Variants in CTSB observed in about 807,000 individuals in gnomAD.
CTSB encodes the protein APP secretase.
CTSB carries 57 observed loss-of-function variants against 44.3 expected under a neutral mutation model. The observed-to-expected ratio is 1.29, with a 90% CI of 1.04 to 1.60. The LOEUF is 1.60. Among genes scored for constraint, CTSB ranks in the 40% most tolerant of loss-of-function variants. The pLI is 0.00. For synonymous variants in CTSB, 320 were observed against 168.0 expected (o/e 1.91, Z -7.00); for missense variants, 768 against 443.0 (o/e 1.73, Z -6.59).
intron 3 of CTSB, among the ~76,000 whole-genome samples, chr8:11,852,276 C>T (rs1814730954): frequency 6.6e-6 from 1 of 152,112 alleles, no homozygotes; most frequent in Non-Finnish European, 1.5e-5. Context: ...GAGGCTGTGG[C>T]ATGAGAATCG....
At chr8:11,852,388 C>T (rs1440526019) in intron 3 of CTSB, among the ~76,000 whole-genome samples, 1 of 152,104 alleles carries the variant, frequency 6.6e-6, no homozygotes, top group African/African-American at 2.4e-5. Flanking sequence ...AAAAAAGCAC[C>T]AGCATCTTCT....
intron 1 of CTSB, chr8:11,864,446 G>T (rs538324381): frequency 4.0e-5 from 6 of 151,714 alleles, no homozygotes; most frequent in African/African-American, 1.4e-4. Context: ...AGCCGTGGTC[G>T]CACCACTGCA....
chr8:11,864,418 G>C (rs1816834194), intron 1 of CTSB: 1 of 152,000 alleles, frequency 6.6e-6, no homozygotes. Flanking sequence ...TTACATCTGG[G>C]TGGCTGAGGC....
chr8:11,866,850 C>T (rs1489511020), intron 1 of CTSB, among the ~76,000 whole-genome samples: 1 of 152,192 alleles, frequency 6.6e-6, no homozygotes, highest in African/African-American at 2.4e-5. Flanking sequence ...ACAGAGCCAG[C>T]CAACGCCCTC....
Position 11,847,044 on chromosome 8 carries a change from G to T in CTSB, c.793+8C>A. Reference sequence around the variant, plus strand: ...CACCCTCTATTGCCATCAGCCATCAGCACGCACCTGACTTGTAGAGCAGGA... The same window carrying T: ...CACCCTCTATTGCCATCAGCCATCATCACGCACCTGACTTGTAGAGCAGGA... On this transcript the variant is annotated splice_region_variant and intron_variant, in intron 8 of 9. Transcript: ENST00000353047. 3 of 1,317,714 alleles carry T rather than the reference G, an allele frequency of 2.3e-6. No homozygotes were observed. The highest frequency in any genetic ancestry group is 3.2e-6 in the Non-Finnish European group (3 of 924,822). 81.6% of individuals were successfully genotyped at this position (1,317,714 alleles called of 1,614,324 possible). A position where few individuals can be genotyped will look rare whatever the true frequency, so the allele number is the denominator to read the frequency against.
At chr8:11,859,424 C>T (rs1458361621) in intron 1 of CTSB, among the ~76,000 whole-genome samples, 1 of 152,100 alleles carries the variant, frequency 6.6e-6, no homozygotes, top group Non-Finnish European at 1.5e-5. Flanking sequence ...TAAGTCCTGA[C>T]ACCCTTAAAG....
In CTSB at chr8:11,849,073, G is replaced by T. The variant is rs1280226966; in HGVS notation, c.419C>A (p.Thr140Lys). ...SVEVSAEDLL[T>K]CCGSMCGDGC... Reference sequence around the variant, plus strand: ...GTCCCCACACATGCTGCCACAGCATGTGAGCAGGTCCTCCGCCGACACCTC... The same window carrying T: ...GTCCCCACACATGCTGCCACAGCATTTGAGCAGGTCCTCCGCCGACACCTC... Residue 140 changes from threonine to lysine, a missense_variant, in exon 5 of 10, where the codon ACA becomes AAA. By Grantham distance (78) the Thr-to-Lys change is moderately conservative. Coordinates refer to ENST00000353047, the MANE Select transcript of CTSB (RefSeq NM_001908.5). The T allele has an allele frequency of 3.1e-6, 5 of 1,613,224 alleles. No individual in the cohort carries two copies. Among genetic ancestry groups the T allele is most frequent in the Non-Finnish European group, 4.2e-6 (5 of 1,179,658 alleles).
chr8:11,859,834 G>A (rs1475293216), intron 1 of CTSB, among the ~76,000 whole-genome samples: 2 of 148,008 alleles, frequency 1.4e-5, no homozygotes, highest in African/African-American at 5.0e-5. Context: ...CAGCACTTTG[G>A]GAGGCTGAGG....
chr8:11,851,373 A>G (rs914758668), intron 3 of CTSB, among the ~76,000 whole-genome samples: 2 of 151,800 alleles, frequency 1.3e-5, no homozygotes, highest in Admixed American at 6.6e-5. Flanking sequence ...TATTTTTAGT[A>G]AAGACAGGGT....
At chr8:11,852,378 A>G (rs368514460) in intron 3 of CTSB, among the ~76,000 whole-genome samples, 4 of 152,300 alleles carry the variant, frequency 2.6e-5, no homozygotes, top group African/African-American at 9.6e-5. Context: ...CAAAAACCAA[A>G]AAAAAGCACC....
At chr8:11,845,819 G>T in intron 8 of CTSB, 30 bp from the exon 9 acceptor site, 2 of 1,591,716 alleles carry the variant, frequency 1.3e-6, no homozygotes, top group South Asian at 2.2e-5. Context: ...CTGAGACCGA[G>T]ACCGGGCCAC....
At chr8:11,848,793 C>CA (rs980361873) in intron 5 of CTSB, 1 of 404,574 alleles carries the variant, frequency 2.5e-6, no homozygotes, top group African/African-American at 2.0e-5. Context: ...CCAGACATTC[C>CA]ACCACATTTT....
Position 11,845,775 on chromosome 8 carries a change from C to T in CTSB, c.808G>A (p.Val270Ile), listed in dbSNP as rs780082802. The T allele has an allele frequency of 1.7e-5, 28 of 1,613,608 alleles. No individual in the cohort carries two copies. The highest frequency in any genetic ancestry group is 8.0e-5 in the African/African-American group (6 of 75,028). The change falls in exon 9 of 10, where the codon GTC becomes ATC. Residue 270 changes from valine to isoleucine, a missense_variant. Val to Ile is a conservative substitution (Grantham distance 29). Transcript: ENST00000353047. ...LLYKSGVYQH[V>I]TGEMMGGHAI... The stretch of plus-strand genomic sequence containing the variant: ...TGGCCACCCATCATCTCTCCGGTGA[C>T]GTGTTGGTACACTCCTGAAAAGGGA...
chr8:11,845,615 T>C (rs1367289840), intron 9 of CTSB, 46 bp downstream of exon 9: 2 of 1,595,852 alleles, frequency 1.3e-6, no homozygotes, highest in Non-Finnish European at 1.7e-6. Flanking sequence ...CCACGGGGTG[T>C]GGCTCACAAT....
chr8:11,852,544 C>T (rs976252615), intron 3 of CTSB, 66 bp downstream of exon 3: 6 of 1,379,596 alleles, frequency 4.3e-6, no homozygotes, highest in Non-Finnish European at 5.0e-6. Flanking sequence ...CACTCTCCCA[C>T]TTCCCACTGC....
At position 11,844,805 on chromosome 8, in the gene CTSB, G is replaced by A. The variant is rs988801419; in HGVS notation, c.*320C>T. 27 of 275,062 alleles carry A rather than the reference G, an allele frequency of 9.8e-5. No homozygotes were observed. Among genetic ancestry groups the A allele is most frequent in the African/African-American group, 4.3e-4 (20 of 46,702 alleles). The allele number at this position is 275,062 out of a possible 1,614,324, so 17.0% of individuals were successfully genotyped here. On this transcript the variant is annotated 3_prime_UTR_variant, in exon 10 of 10. Coordinates refer to ENST00000353047, the MANE Select transcript of CTSB (RefSeq NM_001908.5). ...TAGGAACTCCGCTTTCCATTCCTGC[G>A]TCTCTGTCTTGCTCCCTGGAGATGG...
chr8:11,847,133 C>G lies in CTSB; in HGVS notation c.712G>C (p.Asp238His), dbSNP rs752205663. 8.7e-6 allele frequency: 14 copies of G among 1,605,948 alleles called. No individual in the cohort carries two copies. In the East Asian group the frequency reaches 3.1e-4, roughly 36 times the overall value. ...NSYSVSNSEK[D>H]IMAEIYKNGP... Reference sequence around the variant, plus strand: ...TTTTTGTAGATCTCGGCCATGATGTCCTTCTCGCTATTGGAGACGCTGTAG... The same window carrying G: ...TTTTTGTAGATCTCGGCCATGATGTGCTTCTCGCTATTGGAGACGCTGTAG... Residue 238 changes from aspartate (D) to histidine (H), a missense_variant, in exon 8 of 10, where the codon GAC (aspartate) becomes CAC (histidine). By Grantham distance (81) the Asp-to-His change is moderately conservative. Transcript: ENST00000353047.
chr8:11,847,550 C>T (rs1813631172), intron 7 of CTSB, 129 bp downstream of exon 7: 3 of 1,022,308 alleles, frequency 2.9e-6, no homozygotes, highest in Admixed American at 2.7e-5. Flanking sequence ...GGCATCACTC[C>T]CCCTCCTCTA....
At chr8:11,860,226 A>C (rs1816212796) in intron 1 of CTSB, among the ~76,000 whole-genome samples, 1 of 152,218 alleles carries the variant, frequency 6.6e-6, no homozygotes, top group Non-Finnish European at 1.5e-5. Flanking sequence ...ATAGACAAAA[A>C]AAGTGAAAGA....
Sources: allele counts gnomAD v4.1 joint callset (sites outside exome capture counted in the v4.1 genomes callset), GRCh38; gene constraint gnomAD v4.1.1; transcripts MANE v1.5; gene names NCBI Gene and HGNC (gene_info 2026-07-23, HGNC 2026-07-21).